UBXN4: variants seen among roughly 807,000 people sequenced by gnomAD.
The protein encoded by UBXN4 is UBX domain protein 4, also known as UBX domain-containing protein 4.
In UBXN4, 35 loss-of-function variants were observed where a neutral mutation model predicts 66.2. That is an observed-to-expected ratio of 0.53 (90% CI 0.40 to 0.70). The LOEUF is 0.70. UBXN4 is among the 30% of genes least tolerant of loss of function. The pLI is 0.00. For synonymous variants in UBXN4, 203 were observed against 204.5 expected (o/e 0.99, Z 0.06); for missense variants, 533 against 599.8 (o/e 0.89, Z 1.16).
rs2077459895 is a variant in UBXN4, at chr2:135,783,068, ACT to A, written c.*186_*187del. The A allele has an allele frequency of 1.6e-6, 1 of 607,482 alleles. No homozygotes were observed. Among genetic ancestry groups the A allele is most frequent in the Admixed American group, 3.2e-5 (1 of 31,056 alleles). 37.6% of individuals were successfully genotyped at this position (607,482 alleles called of 1,614,324 possible). A position where few individuals can be genotyped will look rare whatever the true frequency, so the allele number is the denominator to read the frequency against. On this transcript the variant is annotated 3_prime_UTR_variant, in exon 13 of 13. Coordinates refer to ENST00000272638, the MANE Select transcript of UBXN4 (RefSeq NM_014607.4). The stretch of plus-strand genomic sequence containing the variant: ...CTCAGAAAAGTAAAGACAGGAAATA[ACT>A]CTCTGCTAGGTCCTTGCTTATATGG...
At chr2:135,743,979 GTC>G (rs1373106517) in intron 1 of UBXN4, among the ~76,000 whole-genome samples, 2 of 152,164 alleles carry the variant, frequency 1.3e-5, no homozygotes, top group Admixed American at 6.5e-5. Flanking sequence ...TCACAAAGGA[GTC>G]TCTGTCTGTC....
chr2:135,779,561 T>G (rs766579634), intron 11 of UBXN4, among the ~76,000 whole-genome samples: 2 of 152,158 alleles, frequency 1.3e-5, no homozygotes, highest in Non-Finnish European at 2.9e-5. Context: ...TTCTGTGTCC[T>G]GGTTAACATA....
chr2:135,782,982 C>T lies in UBXN4; in HGVS notation c.*95C>T. On this transcript the variant is annotated 3_prime_UTR_variant, in exon 13 of 13. Coordinates refer to ENST00000272638, the MANE Select transcript of UBXN4 (RefSeq NM_014607.4). ...AGAAGTGGGACTGCTTTATATTTTC[C>T]AACTGGTCTATAAAATGTCTCTTTA... is the stretch of plus-strand genomic sequence containing the variant. 1.5e-6 allele frequency: 2 copies of T among 1,346,340 alleles called. No individual in the cohort carries two copies. Among genetic ancestry groups the T allele is most frequent in the African/African-American group, 1.5e-5 (1 of 68,308 alleles). The allele number at this position is 1,346,340 out of a possible 1,614,324, so 83.4% of individuals were successfully genotyped here.
chr2:135,765,702 G>A (rs2077342689), intron 6 of UBXN4, among the ~76,000 whole-genome samples: 1 of 148,344 alleles, frequency 6.7e-6, no homozygotes, highest in African/African-American at 2.5e-5. Flanking sequence ...TTCACTTCAT[G>A]CCTAGATACC....
intron 6 of UBXN4, among the ~76,000 whole-genome samples, chr2:135,763,756 G>T (rs1173169018): frequency 6.6e-6 from 1 of 151,988 alleles, no homozygotes; most frequent in Non-Finnish European, 1.5e-5. Flanking sequence ...AGCCCAGGAG[G>T]TCAAGGCTGC....
rs897207219 is a variant in UBXN4 at position 135,783,695 on chromosome 2, G to A, written c.*808G>A. ...CTTGTGAGATGCAAAACAGCTGCTA[G>A]TCTGCAACCTAGTTTTCCCTCTCAC... On this transcript the variant is annotated 3_prime_UTR_variant, in exon 13 of 13. Coordinates refer to ENST00000272638, the MANE Select transcript of UBXN4 (RefSeq NM_014607.4). 1 of 152,188 alleles carries A rather than the reference G, an allele frequency of 6.6e-6. No individual in the cohort carries two copies. The highest frequency in any genetic ancestry group is 1.5e-5 in the Non-Finnish European group (1 of 68,034). The allele number at this position is 152,188 out of a possible 1,614,324, so 9.4% of individuals were successfully genotyped here.
intron 9 of UBXN4, among the ~76,000 whole-genome samples, chr2:135,774,463 G>A (rs1268178944): frequency 1.3e-5 from 2 of 152,164 alleles, no homozygotes; most frequent in Admixed American, 1.3e-4. Flanking sequence ...GTTAGACATG[G>A]CACTAAAAGC....
chr2:135,756,007 GAAAGTTTC>G (rs1325905422), intron 5 of UBXN4, among the ~76,000 whole-genome samples: 2 of 152,090 alleles, frequency 1.3e-5, no homozygotes, highest in African/African-American at 4.8e-5. Context: ...AGAGAATTTG[GAAAGTTTC>G]AAATGAACTA....
intron 5 of UBXN4, among the ~76,000 whole-genome samples, chr2:135,759,622 A>G (rs567518064): frequency 1.3e-5 from 2 of 152,250 alleles, no homozygotes; most frequent in Middle Eastern, 3.4e-3. Flanking sequence ...GTAGATGATG[A>G]TGTATATTTC....
chr2:135,770,782 C>T (rs373274338), intron 8 of UBXN4, 47 bp downstream of exon 8: 42 of 1,411,898 alleles, frequency 3.0e-5, no homozygotes, highest in Non-Finnish European at 3.8e-5. Flanking sequence ...TTTCTGTGCA[C>T]AGTAGCTTTA....
At chr2:135,747,598 C>T in intron 1 of UBXN4, 1 of 456,472 alleles carries the variant, frequency 2.2e-6, no homozygotes, top group Non-Finnish European at 4.4e-6. Context: ...ATGTTGAACT[C>T]AACAGAAAGG....
At chr2:135,780,724 A>G (rs2077444532) in intron 12 of UBXN4, among the ~76,000 whole-genome samples, 1 of 152,184 alleles carries the variant, frequency 6.6e-6, no homozygotes, top group Non-Finnish European at 1.5e-5. Flanking sequence ...TTGCTTGACA[A>G]GATAGTTCAT....
intron 1 of UBXN4, among the ~76,000 whole-genome samples, chr2:135,745,672 TA>T: frequency 6.6e-6 from 1 of 152,146 alleles, no homozygotes; most frequent in South Asian, 2.1e-4. Context: ...AATATTCTCA[TA>T]TACTTATTTT....
At chr2:135,769,332 G>T (rs2077368300) in intron 6 of UBXN4, among the ~76,000 whole-genome samples, 1 of 151,688 alleles carries the variant, frequency 6.6e-6, no homozygotes, top group South Asian at 2.1e-4. Flanking sequence ...TTACAGTTGA[G>T]AATCAAGTTG....
chr2:135,769,399 T>TG (rs957154307), intron 6 of UBXN4, among the ~76,000 whole-genome samples: 3 of 141,886 alleles, frequency 2.1e-5, no homozygotes, highest in African/African-American at 8.7e-5. Flanking sequence ...TTTTACAGGT[T>TG]TTTTTTTTTT....
intron 10 of UBXN4, 118 bp downstream of exon 10, chr2:135,776,469 G>T (rs1049561917): frequency 2.7e-6 from 2 of 741,818 alleles, no homozygotes; most frequent in Non-Finnish European, 4.3e-6. Flanking sequence ...CAGGAGGGAG[G>T]CACAAGACGC....
intron 8 of UBXN4, among the ~76,000 whole-genome samples, chr2:135,771,862 C>T (rs568282437): frequency 6.6e-6 from 1 of 152,266 alleles, no homozygotes; most frequent in South Asian, 2.1e-4. Context: ...CACACCCAGG[C>T]TTGTTGAGCA....
Position 135,770,626 on chromosome 2 carries a change from A to G in UBXN4, c.713A>G (p.Tyr238Cys). The change falls in exon 8 of 13, where the codon TAT (tyrosine) becomes TGT (cysteine). Residue 238 changes from tyrosine to cysteine, a missense_variant. Physicochemically the swap from Tyr to Cys is radical, Grantham distance 194. This residue lies in a region of UBXN4 where 529 missense variants were observed against 580.1 expected (regional missense o/e 0.91). Coordinates refer to ENST00000272638, the MANE Select transcript of UBXN4 (RefSeq NM_014607.4). ...RRKTGKEMLD[Y>C]KRKQEEELTK... ...AAAACTGGAAAAGAAATGTTGGATT[A>G]TAAAAGAAAACAAGAAGAAGAATTA... 2 of 1,561,080 alleles carry G rather than the reference A, an allele frequency of 1.3e-6. No individual in the cohort carries two copies. Among genetic ancestry groups the G allele is most frequent in the African/African-American group, 1.4e-5 (1 of 72,128 alleles).
chr2:135,771,623 C>T (rs1427291565), intron 8 of UBXN4, among the ~76,000 whole-genome samples: 5 of 152,060 alleles, frequency 3.3e-5, no homozygotes, highest in South Asian at 2.1e-4. Flanking sequence ...AGTGCAGTGG[C>T]GCAATCTTGG....
Sources: allele counts gnomAD v4.1 joint callset (sites outside exome capture counted in the v4.1 genomes callset), GRCh38; gene constraint gnomAD v4.1.1; regional missense constraint gnomAD v4.1.1; transcripts MANE v1.5; gene names NCBI Gene and HGNC (gene_info 2026-07-23, HGNC 2026-07-21).